The following SHANK2 variants were observed in gnomAD, a reference collection of about 807,000 sequenced individuals.
SHANK2 encodes SH3 and multiple ankyrin repeat domains protein 2.
In SHANK2, 43 loss-of-function variants were observed where a neutral mutation model predicts 133.7. The ratio of observed to expected loss-of-function variants is 0.32; its 90% confidence interval spans 0.25 to 0.41. The LOEUF is 0.41. Among genes scored for constraint, SHANK2 ranks in the 10% least tolerant of loss-of-function variants. SHANK2 has a pLI of 1.00. For synonymous variants in SHANK2, 1,017 were observed against 952.8 expected, an observed-to-expected ratio of 1.07 and a Z score of -1.24; for missense variants, 1,994 against 2,235.8, an observed-to-expected ratio of 0.89 and a Z score of 2.18.
At chr11:71,090,482 T>TGTGTC (rs1951491960) in intron 8 of SHANK2, among the ~76,000 whole-genome samples, 1 of 63,004 alleles carries the variant, frequency 1.6e-5, no homozygotes, top group African/African-American at 5.2e-5. Flanking sequence ...TGTGTGTGTG[T>TGTGTC]CCTGCTGCTT....
chr11:71,085,687 A>T (rs1401170253), intron 8 of SHANK2, among the ~76,000 whole-genome samples: 1 of 60,926 alleles, frequency 1.6e-5, no homozygotes. Flanking sequence ...ATATAATATA[A>T]TATATAACAT....
rs189299270 is a variant in SHANK2 at position 70,912,420 on chromosome 11, C to T, written c.1108-15853G>A. On this transcript the variant is annotated intron_variant, in intron 10 of 25. Transcript: ENST00000601538. Reference sequence around the variant, plus strand: ...GACCCGGGGAGAGGTAATTGAATCACGGGGGCCGGTCTTTCCCATGCTATT... The same window carrying T: ...GACCCGGGGAGAGGTAATTGAATCATGGGGGCCGGTCTTTCCCATGCTATT... Among the ~76,000 whole-genome samples the T allele has an allele frequency of 5.3e-3, 801 of 152,214 alleles. 8 individuals carry two copies. Among genetic ancestry groups the T allele is most frequent in the African/African-American group, 0.018 (729 of 41,512 alleles).
intron 16 of SHANK2, among the ~76,000 whole-genome samples, chr11:70,660,531 G>A (rs1555012971): frequency 6.6e-6 from 1 of 152,206 alleles, no homozygotes; most frequent in Non-Finnish European, 1.5e-5. Flanking sequence ...GTGTGTGTGT[G>A]GGTGCTGAAC....
At chr11:70,598,872 A>G (rs1252861618) in intron 17 of SHANK2, among the ~76,000 whole-genome samples, 2 of 151,126 alleles carry the variant, frequency 1.3e-5, no homozygotes, top group African/African-American at 4.9e-5. Context: ...TTAAATAAAA[A>G]TCTCTTGCAC....
intron 2 of SHANK2, among the ~76,000 whole-genome samples, chr11:71,173,240 C>A (rs1555112562): frequency 1.3e-5 from 2 of 152,192 alleles, no homozygotes; most frequent in African/African-American, 4.8e-5. Flanking sequence ...TCATGGAGGA[C>A]AAGATGAAAC....
At chr11:70,866,585 C>T (rs551003459) in intron 11 of SHANK2, among the ~76,000 whole-genome samples, 7 of 152,208 alleles carry the variant, frequency 4.6e-5, no homozygotes, top group South Asian at 4.2e-4. Context: ...CAAGGGTTCA[C>T]GGAGCTTGCA....
chr11:71,179,991 A>T (rs1439686236), intron 2 of SHANK2, among the ~76,000 whole-genome samples: 2 of 152,226 alleles, frequency 1.3e-5, no homozygotes, highest in African/African-American at 4.8e-5. Flanking sequence ...CCTTCATGCA[A>T]ACCTCTGCTG....
chr11:70,498,924 G>C (rs2059010824), intron 21 of SHANK2, among the ~76,000 whole-genome samples: 1 of 152,308 alleles, frequency 6.6e-6, no homozygotes. Flanking sequence ...ATCTTGATTA[G>C]ATCTACAAGG....
intron 10 of SHANK2, among the ~76,000 whole-genome samples, chr11:70,898,602 T>C (rs147722312): frequency 6.6e-5 from 10 of 152,282 alleles, no homozygotes; most frequent in African/African-American, 2.4e-4. Context: ...AGGTAGACTG[T>C]GTGAGCGATA....
At chr11:71,154,696 C>T (rs868941256) in intron 2 of SHANK2, among the ~76,000 whole-genome samples, 3 of 150,248 alleles carry the variant, frequency 2.0e-5, no homozygotes, top group Admixed American at 6.6e-5. Flanking sequence ...CCAGCCCACG[C>T]TCCCAGAGGA....
chr11:70,914,333 A>G (rs1473993632), intron 10 of SHANK2, among the ~76,000 whole-genome samples: 1 of 151,928 alleles, frequency 6.6e-6, no homozygotes, highest in African/African-American at 2.4e-5. Flanking sequence ...CCAGGAGAGC[A>G]TGAGCAATAC....
chr11:71,216,001 T>C (rs1034936251), intron 2 of SHANK2, among the ~76,000 whole-genome samples: 1 of 151,608 alleles, frequency 6.6e-6, no homozygotes. Flanking sequence ...GTGGAGCAAG[T>C]GGAGCCCTCA....
At position 70,804,872 on chromosome 11, in the gene SHANK2, C is replaced by A. The variant is rs1187622973; in HGVS notation, c.1663+2130G>T. Reference sequence around the variant, plus strand: ...TGATGGGGCTCATCACCGGCTCCCCCTCTCCCTTGAGCTCCTGCTCATCCA... The same window carrying A: ...TGATGGGGCTCATCACCGGCTCCCCATCTCCCTTGAGCTCCTGCTCATCCA... On this transcript the variant is annotated intron_variant, in intron 13 of 25. Transcript: ENST00000601538. This position sits in a 1 kb window ranked among gnomAD's most constrained non-coding sequence, Gnocchi z 4.1. 6.6e-6 allele frequency among the ~76,000 whole-genome samples: 1 copy of A among 152,196 alleles called. No individual in the cohort carries two copies. The highest frequency in any genetic ancestry group is 1.5e-5 in the Non-Finnish European group (1 of 68,028).
chr11:70,622,316 AC>A (rs1430287100), intron 17 of SHANK2, among the ~76,000 whole-genome samples: 1 of 151,342 alleles, frequency 6.6e-6, no homozygotes, highest in Admixed American at 6.6e-5. Flanking sequence ...ACTCATGTCA[AC>A]CCCCGCCCCC....
intron 14 of SHANK2, among the ~76,000 whole-genome samples, chr11:70,786,071 G>T (rs1029633588): frequency 6.6e-6 from 1 of 152,154 alleles, no homozygotes; most frequent in African/African-American, 2.4e-5. Context: ...GGGTAAGCGG[G>T]ACCGTGCCAG....
At chr11:71,156,091 G>A (rs1196134552) in intron 2 of SHANK2, among the ~76,000 whole-genome samples, 1 of 152,142 alleles carries the variant, frequency 6.6e-6, no homozygotes, top group African/African-American at 2.4e-5. Context: ...GCACGCCAGG[G>A]AGCGAGACCT....
intron 17 of SHANK2, among the ~76,000 whole-genome samples, chr11:70,570,085 CCTGA>C (rs1387997121): frequency 6.6e-6 from 1 of 152,192 alleles, no homozygotes; most frequent in Non-Finnish European, 1.5e-5. Flanking sequence ...GCTGTCGCTA[CCTGA>C]CTGTTTTTTG....
chr11:70,735,070 C>T (rs147610827), intron 14 of SHANK2, among the ~76,000 whole-genome samples: 3,354 of 152,254 alleles, frequency 0.022, 65 homozygotes, highest in Non-Finnish European at 0.03. Context: ...CCCTCCATCG[C>T]GGGGTCAGTG....
At chr11:71,229,214 T>G (rs1252703037) in intron 1 of SHANK2, among the ~76,000 whole-genome samples, 6 of 152,200 alleles carry the variant, frequency 3.9e-5, no homozygotes, top group African/African-American at 1.4e-4. Context: ...AACATAGAGC[T>G]GGATGTTCTA....
Sources: allele counts gnomAD v4.1 joint callset (sites outside exome capture counted in the v4.1 genomes callset), GRCh38; gene constraint gnomAD v4.1.1; non-coding constraint Gnocchi (gnomAD v3.1); transcripts MANE v1.5; gene names NCBI Gene and HGNC (gene_info 2026-07-23, HGNC 2026-07-21).